The following CTTNBP2 variants were observed in gnomAD, a reference collection of about 807,000 sequenced individuals.
CTTNBP2 encodes cortactin binding protein 2, also known as cortactin-binding protein 2.
A neutral mutation model predicts 156.9 loss-of-function variants in CTTNBP2; 108 were observed. The ratio of observed to expected loss-of-function variants is 0.69; its 90% CI spans 0.59 to 0.81. The LOEUF (loss-of-function observed/expected upper bound fraction) is 0.81, where lower values mean the gene tolerates loss of function less well. Among genes scored for constraint, CTTNBP2 ranks in the 30% least tolerant of loss-of-function variants. The pLI, the probability that CTTNBP2 is intolerant of heterozygous loss-of-function variation, is 0.00. For synonymous variants in CTTNBP2, 767 were observed against 751.8 expected (o/e 1.02, Z -0.33); for missense variants, 1,924 against 2,035.4 (o/e 0.95, Z 1.05).
chr7:117,813,638 G>A (rs751858207), intron 2 of CTTNBP2, among the ~76,000 whole-genome samples: 3 of 151,894 alleles, frequency 2.0e-5, no homozygotes, highest in Admixed American at 6.6e-5. Context: ...TAAGATCTCC[G>A]CGTCTATCTC....
chr7:117,734,830 T>G (rs755110334), intron 16 of CTTNBP2, 83 bp downstream of exon 16: 43 of 1,078,940 alleles, frequency 4.0e-5, no homozygotes, highest in Admixed American at 1.4e-4. Flanking sequence ...GCATAGTTAG[T>G]GAGTGGTGGA....
chr7:117,847,613 G>A (rs973810082), intron 2 of CTTNBP2, among the ~76,000 whole-genome samples: 6 of 152,128 alleles, frequency 3.9e-5, no homozygotes, highest in Non-Finnish European at 7.4e-5. Context: ...GAAAAATATT[G>A]TTCACTGTCA....
rs750549413 is a variant in CTTNBP2 at position 117,767,113 on chromosome 7, G to A, written c.2842C>T (p.Arg948Trp). 6.2e-6 allele frequency: 10 copies of A among 1,612,936 alleles called. No individual in the cohort carries two copies. The highest frequency in any genetic ancestry group is 2.2e-5 in the East Asian group (1 of 44,862). The change falls in exon 9 of 23, where the codon CGG becomes TGG. Residue 948 changes from arginine to tryptophan, a missense_variant. Physicochemically the swap from Arg to Trp is moderately radical, Grantham distance 101 (BLOSUM62 -3). Coordinates refer to ENST00000160373, the MANE Select transcript of CTTNBP2 (RefSeq NM_033427.3). ...TCAGTGGCAACATCATGCACAGTCC[G>A]ATTGCACTTGTCTCTCCTTTCTGGC... ...LEPERRDKCN[R>W]TVHDVATDDC...
chr7:117,728,380 T>TAA (rs1321823129), intron 16 of CTTNBP2, 113 bp from the exon 17 acceptor site: 7 of 762,586 alleles, frequency 9.2e-6, no homozygotes, highest in East Asian at 5.3e-5. Flanking sequence ...AGCTGAATCT[T>TAA]ATTTAACTTT....
intron 2 of CTTNBP2, among the ~76,000 whole-genome samples, chr7:117,819,365 TCTCACA>T (rs1418992119): frequency 0.011 from 1,489 of 136,906 alleles, 58 homozygotes; most frequent in Admixed American, 0.072. Context: ...CTTCTCTCTC[TCTCACA>T]CACACACACA....
intron 1 of CTTNBP2, chr7:117,871,672 C>G (rs372006839): frequency 6.0e-6 from 1 of 166,872 alleles, no homozygotes; most frequent in East Asian, 1.9e-4. Flanking sequence ...CTCTACAGAC[C>G]ATCAGTCAGA....
intron 14 of CTTNBP2, among the ~76,000 whole-genome samples, chr7:117,744,858 CTG>C (rs1181974646): frequency 6.6e-6 from 1 of 152,248 alleles, no homozygotes; most frequent in African/African-American, 2.4e-5. Flanking sequence ...GATCATGCCA[CTG>C]TTCTATCTTC....
At position 117,773,902 on chromosome 7, in the gene CTTNBP2, C is replaced by T. The variant is rs1478615354; in HGVS notation, c.2778+3609G>A. On this transcript the variant is annotated intron_variant, in intron 8 of 22. Transcript: ENST00000160373. The stretch of plus-strand genomic sequence containing the variant: ...GCCACTGGCTTCGGCAACACATAAG[C>T]GAGAACCATAACCTCCTCCTGTAGT... 6.6e-5 allele frequency among the ~76,000 whole-genome samples: 10 copies of T among 152,002 alleles called. No individual in the cohort carries two copies. The South Asian group carries it at 1.0e-3, about 16-fold the overall frequency.
At chr7:117,839,729 C>A (rs972990826) in intron 2 of CTTNBP2, among the ~76,000 whole-genome samples, 6 of 152,130 alleles carry the variant, frequency 3.9e-5, no homozygotes, top group South Asian at 2.1e-4. Context: ...TGGTCCTGAC[C>A]AGCTTTCAGA....
At chr7:117,827,980 C>T (rs1412509165) in intron 2 of CTTNBP2, among the ~76,000 whole-genome samples, 1 of 152,170 alleles carries the variant, frequency 6.6e-6, no homozygotes, top group Non-Finnish European at 1.5e-5. Context: ...AAAGAACCAG[C>T]CTTGGCCACT....
chr7:117,864,657 T>TATGAATATATATATTCATATATCTAG, intron 1 of CTTNBP2, among the ~76,000 whole-genome samples: 1 of 146,948 alleles, frequency 6.8e-6, no homozygotes, highest in African/African-American at 2.5e-5. Context: ...TATCTAGATG[T>TATGAATATATATATTCATATATCTAG]ATGAATATAT....
intron 3 of CTTNBP2, among the ~76,000 whole-genome samples, chr7:117,799,794 T>C (rs1179024313): frequency 1.3e-5 from 2 of 152,118 alleles, no homozygotes; most frequent in African/African-American, 4.8e-5. Context: ...TGGCTAGAAC[T>C]ATTTAAGTAA....
At chr7:117,821,694 T>G (rs557653129) in intron 2 of CTTNBP2, among the ~76,000 whole-genome samples, 1 of 151,702 alleles carries the variant, frequency 6.6e-6, no homozygotes. Context: ...GTTCAAGCCA[T>G]TCTCCTGACT....
intron 5 of CTTNBP2, among the ~76,000 whole-genome samples, chr7:117,783,270 A>T (rs1379491979): frequency 6.6e-6 from 1 of 152,214 alleles, no homozygotes; most frequent in African/African-American, 2.4e-5. Flanking sequence ...TGTGCCAGAA[A>T]ATGCTTTACC....
intron 2 of CTTNBP2, among the ~76,000 whole-genome samples, chr7:117,845,970 C>T (rs1489538004): frequency 6.6e-6 from 1 of 152,064 alleles, no homozygotes; most frequent in African/African-American, 2.4e-5. Flanking sequence ...CCTGCTTCAG[C>T]CTCCCGAGTA....
chr7:117,716,162 A>G (rs34754899), intron 22 of CTTNBP2, among the ~76,000 whole-genome samples: 17 of 116,220 alleles, frequency 1.5e-4, no homozygotes, highest in African/African-American at 4.4e-4. Context: ...ATAAGAGCCC[A>G]GATAGTATAA....
In CTTNBP2 at chr7:117,711,525, TTG is replaced by T; in HGVS notation, c.*10_*11del. ...ATAGAGGAAGTTAATAATGAGAATA[TTG>T]TAGGCAGGCCTATTTGTTAGGTTTT... On this transcript the variant is annotated 3_prime_UTR_variant, in exon 23 of 23. Coordinates refer to ENST00000160373, the MANE Select transcript of CTTNBP2 (RefSeq NM_033427.3). 6.2e-7 allele frequency: 1 copy of T among 1,607,384 alleles called. No homozygotes were observed. The highest frequency in any genetic ancestry group is 1.1e-5 in the South Asian group (1 of 89,560).
At chr7:117,806,751 T>TTTTG in intron 3 of CTTNBP2, among the ~76,000 whole-genome samples, 1 of 146,880 alleles carries the variant, frequency 6.8e-6, no homozygotes. Context: ...CTCATTTTTT[T>TTTTG]TTTTTTTTTT....
chr7:117,728,396 G>T, intron 16 of CTTNBP2, 129 bp from the exon 17 acceptor site: 1 of 691,206 alleles, frequency 1.4e-6, no homozygotes, highest in Non-Finnish European at 2.4e-6. Flanking sequence ...ACTTTACTTG[G>T]GATGGCTGAA....
Sources: allele counts gnomAD v4.1 joint callset (sites outside exome capture counted in the v4.1 genomes callset), GRCh38; gene constraint gnomAD v4.1.1; transcripts MANE v1.5; gene names NCBI Gene and HGNC (gene_info 2026-07-23, HGNC 2026-07-21).